The following AOX1 variants were observed in gnomAD, a reference collection of about 807,000 sequenced individuals.
AOX1 encodes aldehyde oxidase 1.
A neutral mutation model predicts 169.5 loss-of-function variants in AOX1; 153 were observed. The ratio of observed to expected loss-of-function variants is 0.90; its 90% confidence interval spans 0.79 to 1.03. The LOEUF (loss-of-function observed/expected upper bound fraction) is 1.03, where lower values mean the gene tolerates loss of function less well. AOX1 is among the 50% of genes least tolerant of loss of function. The pLI is 0.00. For synonymous variants in AOX1, 562 were observed against 581.9 expected, an observed-to-expected ratio of 0.97 and a Z score of 0.49; for missense variants, 1,656 against 1,663.9, an observed-to-expected ratio of 1.00 and a Z score of 0.08.
intron 23 of AOX1, among the ~76,000 whole-genome samples, chr2:200,639,137 T>C (rs2035300773): frequency 6.6e-6 from 1 of 152,248 alleles, no homozygotes; most frequent in African/African-American, 2.4e-5. Flanking sequence ...TAGGCACATG[T>C]GGTTAGTGTC....
chr2:200,622,297 A>G (rs965950155), intron 18 of AOX1, among the ~76,000 whole-genome samples: 2 of 152,236 alleles, frequency 1.3e-5, no homozygotes, highest in Non-Finnish European at 2.9e-5. Flanking sequence ...TGCTTCTCAC[A>G]TTGCAGGGTG....
At position 200,623,837 on chromosome 2, in the gene AOX1, A is replaced by G. The variant is rs532432133; in HGVS notation, c.2002-24A>G. On this transcript the variant is annotated intron_variant, in intron 18 of 34. Transcript: ENST00000374700. ...GGACCTGATGCCTGCCCTCCTTGACAACAAAGGTCTTTCTGTGTCGTAGGT... is the reference window on the plus strand; with the variant it reads ...GGACCTGATGCCTGCCCTCCTTGACGACAAAGGTCTTTCTGTGTCGTAGGT... The G allele has an allele frequency of 5.6e-6, 9 of 1,613,062 alleles. No homozygotes were observed. The East Asian group carries it at 1.3e-4, about 24-fold the overall frequency.
intron 31 of AOX1, among the ~76,000 whole-genome samples, chr2:200,664,478 T>TTAG (rs1411101039): frequency 1.3e-5 from 2 of 152,244 alleles, no homozygotes; most frequent in African/African-American, 2.4e-5. Context: ...TGGTGAAAAC[T>TTAG]TAGTCATGTG....
At chr2:200,663,572 A>ACTCTCT (rs1226325589) in intron 31 of AOX1, among the ~76,000 whole-genome samples, 2 of 105,058 alleles carry the variant, frequency 1.9e-5, no homozygotes, top group African/African-American at 7.6e-5. Flanking sequence ...ACACACACAC[A>ACTCTCT]CTCTCTCTCT....
At chr2:200,643,421 A>T (rs746992800) in intron 25 of AOX1, among the ~76,000 whole-genome samples, 4 of 151,946 alleles carry the variant, frequency 2.6e-5, no homozygotes, top group Non-Finnish European at 5.9e-5. Context: ...ATACATACAT[A>T]CATACACACA....
chr2:200,670,137 A>G (rs2035999372), intron 34 of AOX1, among the ~76,000 whole-genome samples: 1 of 152,052 alleles, frequency 6.6e-6, no homozygotes, highest in Non-Finnish European at 1.5e-5. Context: ...CCCAACCCCA[A>G]ACGGGCACCC....
At chr2:200,604,196 A>C (rs750169592) in intron 8 of AOX1, 99 bp downstream of exon 8, 57 of 846,522 alleles carry the variant, frequency 6.7e-5, no homozygotes, top group Non-Finnish European at 1.1e-4. Flanking sequence ...ATTGGCAAAT[A>C]GGTGAGGCCT....
chr2:200,598,834 T>C (rs1559231634), intron 4 of AOX1, among the ~76,000 whole-genome samples: 1 of 152,038 alleles, frequency 6.6e-6, no homozygotes, highest in Non-Finnish European at 1.5e-5. Flanking sequence ...AGGAGCAACA[T>C]AGAAAATGAC....
downstream of AOX1, among the ~76,000 whole-genome samples, chr2:200,671,766 A>C (rs959891573): frequency 2.0e-5 from 3 of 152,204 alleles, no homozygotes; most frequent in Non-Finnish European, 2.9e-5. Flanking sequence ...CAAGGAGTTA[A>C]ACATAGTTAA....
intron 25 of AOX1, among the ~76,000 whole-genome samples, chr2:200,645,378 C>T (rs192900457): frequency 2.6e-5 from 4 of 152,152 alleles, no homozygotes; most frequent in Admixed American, 2.6e-4. Flanking sequence ...AATTTATTGA[C>T]TTGTGTGTGT....
At chr2:200,587,110 AAAACC>A (rs1438590096) in intron 1 of AOX1, among the ~76,000 whole-genome samples, 25 of 151,470 alleles carry the variant, frequency 1.7e-4, no homozygotes, top group African/African-American at 6.1e-4. Flanking sequence ...CTACAAAAAA[AAAACC>A]AAACAAAACA....
At position 200,599,859 on chromosome 2, in the gene AOX1, C is replaced by T. The variant is rs911728267; in HGVS notation, c.436+113C>T. 3 of 826,114 alleles carry T rather than the reference C, an allele frequency of 3.6e-6. No homozygotes were observed. In the African/African-American group the frequency reaches 5.4e-5, roughly 15 times the overall value. The allele number at this position is 826,114 out of a possible 1,614,324, so 51.2% of individuals were successfully genotyped here. On this transcript the variant is annotated intron_variant, in intron 5 of 34. Transcript: ENST00000374700. ...GAGGGCGGCGGCGCAATCTTGGCCCCACTGTAACCTCCGCCTCCCAGGTTC... is the reference window on the plus strand; with the variant it reads ...GAGGGCGGCGGCGCAATCTTGGCCCTACTGTAACCTCCGCCTCCCAGGTTC...
rs1041616073 is a variant in AOX1 at position 200,642,598 on chromosome 2, G to A, written c.2656-12G>A. ...AGAAGATCTTAATCACATCAACTCT[G>A]GATTTCTCCAGGTGATAGAAATGGG... On this transcript the variant is annotated splice_polypyrimidine_tract_variant and intron_variant, in intron 24 of 34. Coordinates refer to ENST00000374700, the MANE Select transcript of AOX1 (RefSeq NM_001159.4). The A allele has an allele frequency of 6.2e-7, 1 of 1,612,146 alleles. No individual in the cohort carries two copies. Among genetic ancestry groups the A allele is most frequent in the Admixed American group, 1.7e-5 (1 of 59,958 alleles).
At chr2:200,635,035 C>A in intron 21 of AOX1, 120 bp downstream of exon 21, 3 of 1,254,076 alleles carry the variant, frequency 2.4e-6, no homozygotes, top group Non-Finnish European at 3.3e-6. Context: ...TTGCTTGAAC[C>A]CAGGAGCTCA....
intron 22 of AOX1, among the ~76,000 whole-genome samples, chr2:200,637,258 G>GA (rs1249961676): frequency 5.3e-5 from 8 of 152,106 alleles, no homozygotes; most frequent in Non-Finnish European, 1.0e-4. Flanking sequence ...AAAAGCCACA[G>GA]AAAAAATATA....
Position 200,662,973 on chromosome 2 carries a change from A to C in AOX1, c.3543+4A>C, listed in dbSNP as rs2035857096. ...CTGCCTGACGGGGGATCATAAGGTC[A>C]GTACCGGTTGGAAAGGTCTTCAAGT... is the stretch of plus-strand genomic sequence containing the variant. On this transcript the variant is annotated splice_donor_region_variant and intron_variant, in intron 31 of 34. Coordinates refer to ENST00000374700, the MANE Select transcript of AOX1 (RefSeq NM_001159.4). 6.2e-7 allele frequency: 1 copy of C among 1,612,864 alleles called. No individual in the cohort carries two copies.
rs771024005 is a variant in AOX1 at position 200,669,696 on chromosome 2, C to G, written c.3920C>G (p.Thr1307Ser). ...CCCTTGACCCTTAATAGTCCACTGA[C>G]CCCGGAGAAGATTAGGATGGCCTGT... ...HGPLTLNSPL[T>S]PEKIRMACED... The change falls in exon 34 of 35, where the codon ACC becomes AGC. Residue 1307 changes from threonine to serine, a missense_variant. Physicochemically the swap from Thr to Ser is moderately conservative, Grantham distance 58. Coordinates refer to ENST00000374700, the MANE Select transcript of AOX1 (RefSeq NM_001159.4). The G allele has an allele frequency of 6.2e-7, 1 of 1,613,752 alleles. No individual in the cohort carries two copies. The highest frequency in any genetic ancestry group is 1.7e-5 in the Admixed American group (1 of 59,972).
intron 4 of AOX1, among the ~76,000 whole-genome samples, chr2:200,598,268 G>C (rs2034331212): frequency 6.6e-6 from 1 of 152,092 alleles, no homozygotes. Flanking sequence ...TCTTAAGGCT[G>C]AGTGAAAATT....
chr2:200,624,068 A>G, intron 19 of AOX1, 85 bp downstream of exon 19: 1 of 1,569,514 alleles, frequency 6.4e-7, no homozygotes, highest in Non-Finnish European at 8.7e-7. Context: ...TAACAGGAAA[A>G]TGTGGCTCAA....
Sources: allele counts gnomAD v4.1 joint callset (sites outside exome capture counted in the v4.1 genomes callset), GRCh38; gene constraint gnomAD v4.1.1; transcripts MANE v1.5; gene names NCBI Gene and HGNC (gene_info 2026-07-23, HGNC 2026-07-21).